Variants in FANCA observed in about 807,000 individuals in gnomAD.
FANCA encodes Fanconi anemia group A protein.
A neutral mutation model predicts 194.3 loss-of-function variants in FANCA; 236 were observed. The ratio of observed to expected loss-of-function variants is 1.21; its 90% CI spans 1.09 to 1.35. The LOEUF is 1.35. FANCA is among the 40% of genes most tolerant of loss of function. The probability of loss-of-function intolerance (pLI) is 0.00; values close to 1 mark genes in which losing one functional copy is unlikely to be tolerated. For missense variants in FANCA, 2,628 were observed against 1,813.9 expected (o/e 1.45, Z -8.15); for synonymous variants, 1,014 against 715.8 (o/e 1.42, Z -6.65).
At position 89,791,430 on chromosome 16, in the gene FANCA, C is replaced by G. The variant is rs377705748; in HGVS notation, c.1332G>C (p.Ala444=). ...TGAACCAGTCTGCATATGACAGGAA[C>G]GCAGAGGGGCCCTCCAGTGCTGCCT... is the stretch of plus-strand genomic sequence containing the variant. The part of the protein sequence containing the change: ...VRQAALEGPS[A]FLSYADWFKA... Residue 444 remains alanine, a synonymous_variant, in exon 14 of 43, where the codon GCG becomes GCC. Coordinates refer to ENST00000389301, the MANE Select transcript of FANCA (RefSeq NM_000135.4). The G allele has an allele frequency of 6.2e-7, 1 of 1,614,066 alleles. No homozygotes were observed.
intron 20 of FANCA, among the ~76,000 whole-genome samples, chr16:89,777,730 G>A (rs1361852480): frequency 6.6e-6 from 1 of 151,980 alleles, no homozygotes; most frequent in Non-Finnish European, 1.5e-5. Flanking sequence ...AGTGATCCAA[G>A]GATACCTTAT....
intron 6 of FANCA, among the ~76,000 whole-genome samples, chr16:89,807,314 G>A (rs1249502421): frequency 6.6e-6 from 1 of 150,440 alleles, no homozygotes; most frequent in Non-Finnish European, 1.5e-5. Flanking sequence ...AAAATTAGCC[G>A]GGTGTGGTGG....
rs1428885912 is a variant in FANCA, at chr16:89,791,383, C to A, written c.1359+20G>T. 3 of 1,612,788 alleles carry A rather than the reference C, an allele frequency of 1.9e-6. No individual in the cohort carries two copies. The highest frequency in any genetic ancestry group is 2.2e-5 in the East Asian group (1 of 44,844). On this transcript the variant is annotated intron_variant, in intron 14 of 42. Transcript: ENST00000389301. The stretch of plus-strand genomic sequence containing the variant: ...TCTGGGAAGATCAGGTATTAGGTAG[C>A]CGATTGGCAGGTCACTTACCTTGAA...
rs149112292 is a variant in FANCA at position 89,758,699 on chromosome 16, G to C, written c.2859C>G (p.Asp953Glu). Residue 953 changes from aspartate to glutamate, a missense_variant, in exon 30 of 43, where the codon GAC (aspartate) becomes GAG (glutamate). Transcript: ENST00000389301. ...GCTCATGGATCGCCCACTGGTGGAAGTCCTGCCTAGAACAGCAAACACTGC... is the reference window on the plus strand; with the variant it reads ...GCTCATGGATCGCCCACTGGTGGAACTCCTGCCTAGAACAGCAAACACTGC... The part of the protein sequence containing the change: ...ADALSDTERQ[D>E]FHQWAIHEHF... 1,546 of 1,613,668 alleles carry C rather than the reference G, an allele frequency of 9.6e-4. 3 individuals are homozygous for C. Among genetic ancestry groups the C allele is most frequent in the Middle Eastern group, 1.8e-3 (11 of 6,058 alleles).
rs753864057 is a variant in FANCA, at chr16:89,748,761, G to A, written c.3246C>T (p.Leu1082=). 1.1e-5 allele frequency: 17 copies of A among 1,613,816 alleles called. No homozygotes were observed. The highest frequency in any genetic ancestry group is 1.3e-5 in the African/African-American group (1 of 75,068). ...AGAGGACAGACGAAGGCAGGCGGAG[G>A]AGGATCCTGGAAAGAAGGGGCTGTA... is the stretch of plus-strand genomic sequence containing the variant. ...QRELLMYKRI[L]LRLPSSVLCG... The change falls in exon 33 of 43, where the codon CTC becomes CTT. Residue 1082 remains leucine (L), a synonymous_variant. Coordinates refer to ENST00000389301, the MANE Select transcript of FANCA (RefSeq NM_000135.4).
rs1228586423 is a variant in FANCA at position 89,770,169 on chromosome 16, G to C, written c.2313C>G (p.His771Gln). 3.8e-6 allele frequency: 6 copies of C among 1,588,460 alleles called. No individual in the cohort carries two copies. The highest frequency in any genetic ancestry group is 5.1e-6 in the Non-Finnish European group (6 of 1,167,864). The stretch of plus-strand genomic sequence containing the variant: ...CCCCCATGAAGGAGAGCCTCACCTG[G>C]TGACGGAGCAGCTGGCAGAGCCGGG... ...VLTRLCQLLRHQGPSLSAPHV... is the reference protein window; with the variant it reads ...VLTRLCQLLRQQGPSLSAPHV... Residue 771 changes from histidine to glutamine, a missense_variant, in exon 25 of 43, where the codon CAC becomes CAG. Transcript: ENST00000389301.
chr16:89,794,819 C>G (rs181435528), intron 11 of FANCA, among the ~76,000 whole-genome samples: 7 of 152,284 alleles, frequency 4.6e-5, no homozygotes. Context: ...GGTAACAGGA[C>G]ACCCACTGGG....
At chr16:89,773,134 G>T in intron 22 of FANCA, 137 bp downstream of exon 22, 1 of 734,806 alleles carries the variant, frequency 1.4e-6, no homozygotes, top group Non-Finnish European at 2.4e-6. Flanking sequence ...CCGCCAGCCC[G>T]GGGTCAATCT....
intron 28 of FANCA, among the ~76,000 whole-genome samples, chr16:89,764,028 G>A (rs1189921825): frequency 2.0e-5 from 3 of 151,868 alleles, no homozygotes; most frequent in Admixed American, 6.6e-5. Flanking sequence ...GGTAATTTGA[G>A]GCCAGGAGTT....
In FANCA at chr16:89,808,052, C is replaced by T. The variant is rs1273153301; in HGVS notation, c.596+242G>A. Among the ~76,000 whole-genome samples, 4 of 125,626 alleles carry T rather than the reference C, an allele frequency of 3.2e-5. No homozygotes were observed. The South Asian group carries it at 8.8e-4, about 28-fold the overall frequency. The allele number at this position is 125,626 out of a possible 152,430, so 82.4% of individuals were successfully genotyped here. A position where few individuals can be genotyped will look rare whatever the true frequency, so the allele number is the denominator to read the frequency against. On this transcript the variant is annotated intron_variant, in intron 6 of 42. Transcript: ENST00000389301. The stretch of plus-strand genomic sequence containing the variant: ...CCACCTGGGCCACAGAGCGAGACTC[C>T]GTCTCAAAAAAAAAACAGACAAAAA...
chr16:89,745,484 A>G lies in FANCA; in HGVS notation c.3514-413T>C. 1.4e-5 allele frequency among the ~76,000 whole-genome samples: 2 copies of G among 142,320 alleles called. 1 individual carries two copies. Among genetic ancestry groups the G allele is most frequent in the Admixed American group, 1.4e-4 (2 of 14,786 alleles). 93.4% of individuals were successfully genotyped at this position (142,320 alleles called of 152,430 possible). Reference sequence around the variant, plus strand: ...GGGAACAAAACAGTGAAGGGACCACACTCCTCTGAGCTGGGAACGAAACAG... The same window carrying G: ...GGGAACAAAACAGTGAAGGGACCACGCTCCTCTGAGCTGGGAACGAAACAG... On this transcript the variant is annotated intron_variant, in intron 35 of 42. Transcript: ENST00000389301.
chr16:89,737,589 T>C lies in FANCA; in HGVS notation c.*1012A>G, dbSNP rs886052477. ...TCTGAGGTTTCTTTAAAAACCATCC[T>C]GAAATGCACACAGCTGATGAAGCCA... On this transcript the variant is annotated 3_prime_UTR_variant, in exon 43 of 43. Coordinates refer to ENST00000389301, the MANE Select transcript of FANCA (RefSeq NM_000135.4). 1 of 813,272 alleles carries C rather than the reference T, an allele frequency of 1.2e-6. No homozygotes were observed. Among genetic ancestry groups the C allele is most frequent in the Admixed American group, 3.2e-5 (1 of 31,010 alleles). 50.4% of individuals were successfully genotyped at this position (813,272 alleles called of 1,614,324 possible). A position where few individuals can be genotyped will look rare whatever the true frequency, so the allele number is the denominator to read the frequency against.
chr16:89,791,112 G>A (rs2040059911), intron 14 of FANCA: 1 of 414,814 alleles, frequency 2.4e-6, no homozygotes, highest in Non-Finnish European at 4.5e-6. Flanking sequence ...ATAAAAGACA[G>A]CAGGAGGCTC....
At chr16:89,766,040 A>G (rs533921731) in intron 27 of FANCA, among the ~76,000 whole-genome samples, 90 of 151,008 alleles carry the variant, frequency 6.0e-4, no homozygotes, top group Non-Finnish European at 1.9e-4. Flanking sequence ...TCTGTTGCCC[A>G]GGCTGGAGTG....
chr16:89,796,571 T>TG (rs1167041961), intron 10 of FANCA, among the ~76,000 whole-genome samples: 1 of 152,122 alleles, frequency 6.6e-6, no homozygotes. Context: ...TGGGGGTGAA[T>TG]GGGGTCACAG....
At position 89,739,519 on chromosome 16, in the gene FANCA, G is replaced by A. The variant is rs1337959697; in HGVS notation, c.3969C>T (p.Ala1323=). The change falls in exon 40 of 43, where the codon GCC becomes GCT. Residue 1323 remains alanine, a synonymous_variant. Coordinates refer to ENST00000389301, the MANE Select transcript of FANCA (RefSeq NM_000135.4). The part of the protein sequence containing the change: ...LRLGRLLLRV[A]PDQHTRLLPF... Reference sequence around the variant, plus strand: ...GCAGCAGCCTGGTGTGCTGATCCGGGGCCACACGGAGGAGGAGCCGCCCCA... The same window carrying A: ...GCAGCAGCCTGGTGTGCTGATCCGGAGCCACACGGAGGAGGAGCCGCCCCA... The A allele has an allele frequency of 1.5e-5, 24 of 1,551,232 alleles. No individual in the cohort carries two copies. In the East Asian group the frequency reaches 5.4e-4, roughly 35 times the overall value.
intron 10 of FANCA, among the ~76,000 whole-genome samples, chr16:89,796,289 G>A (rs1253615733): frequency 4.6e-5 from 7 of 151,976 alleles, no homozygotes; most frequent in African/African-American, 7.2e-5. Flanking sequence ...CGCCACACCC[G>A]GGAGTGGAGC....
At chr16:89,792,615 C>G in intron 11 of FANCA, 68 bp from the exon 12 acceptor site, 1 of 1,426,406 alleles carries the variant, frequency 7.0e-7, no homozygotes, top group Non-Finnish European at 9.8e-7. Flanking sequence ...TTGTTAAGGA[C>G]CAGCCCCACA....
In FANCA at chr16:89,799,963, C is replaced by T. The variant is rs143317127; in HGVS notation, c.793-325G>A. On this transcript the variant is annotated intron_variant, in intron 8 of 42. Transcript: ENST00000389301. ...GAGCTGAGATAGTGCCACTGCAGTC[C>T]GGCCCGGGCGAAAGAGCCAGACTCC... Among the ~76,000 whole-genome samples, 449 of 152,194 alleles carry T rather than the reference C, an allele frequency of 3.0e-3. 5 individuals are homozygous for T. Among genetic ancestry groups the T allele is most frequent in the African/African-American group, 0.01 (427 of 41,528 alleles).
Sources: gnomAD v4.1 joint callset for allele counts (sites outside exome capture counted in the v4.1 genomes callset) on GRCh38, gnomAD v4.1.1 for gene constraint, MANE v1.5 for transcripts, NCBI Gene and HGNC (gene_info 2026-07-23, HGNC 2026-07-21) for gene names.